Variants in MAPK8IP1 observed in about 807,000 individuals in gnomAD.
MAPK8IP1 encodes C-Jun-amino-terminal kinase-interacting protein 1.
Under a neutral mutation model 72.6 loss-of-function variants are expected in MAPK8IP1, and 17 were observed. That is an observed-to-expected ratio of 0.23 (90% CI 0.16 to 0.35). The LOEUF is 0.35. Ranked by LOEUF, MAPK8IP1 falls within the 10% of genes least tolerant of loss-of-function variation. MAPK8IP1 has a pLI of 1.00. For synonymous variants in MAPK8IP1, 401 were observed against 443.4 expected (o/e 0.90, Z 1.20); for missense variants, 789 against 1,009.7 (o/e 0.78, Z 2.96).
Position 45,898,088 on chromosome 11 carries a change from C to A in MAPK8IP1, c.105C>A (p.Leu35=), listed in dbSNP as rs1327442136. ...TTTGGCTTCCTGTCCCCACCAGGCT[C>A]ACCCATGACATCAGCCTGGAGGAGT... The part of the protein sequence containing the change: ...LHIASPPNFR[L]THDISLEEFE... Residue 35 remains leucine, a synonymous_variant, in exon 2 of 12, where the codon CTC becomes CTA. Transcript: ENST00000241014. 1 of 1,608,248 alleles carries A rather than the reference C, an allele frequency of 6.2e-7. No individual in the cohort carries two copies. Among genetic ancestry groups the A allele is most frequent in the African/African-American group, 1.3e-5 (1 of 74,824 alleles).
At chr11:45,885,976 TG>T (rs2086523990) in intron 1 of MAPK8IP1, 55 bp downstream of exon 1, 1 of 1,166,808 alleles carries the variant, frequency 8.6e-7, no homozygotes, top group Non-Finnish European at 1.1e-6. Flanking sequence ...TGATCCGCAT[TG>T]GCTGCCCTGC....
At chr11:45,888,351 A>T (rs767375463) in intron 1 of MAPK8IP1, among the ~76,000 whole-genome samples, 1 of 152,232 alleles carries the variant, frequency 6.6e-6, no homozygotes, top group Non-Finnish European at 1.5e-5. Flanking sequence ...TCCTATGTGC[A>T]AGAGTATTTA....
intron 1 of MAPK8IP1, 73 bp downstream of exon 1, chr11:45,885,994 C>G (rs2086524133): frequency 2.2e-6 from 2 of 892,244 alleles, no homozygotes; most frequent in East Asian, 8.3e-5. Context: ...CTGCCCGCCC[C>G]CCACCCCAGA....
chr11:45,889,282 T>C (rs138481325), intron 1 of MAPK8IP1, among the ~76,000 whole-genome samples: 1 of 152,336 alleles, frequency 6.6e-6, no homozygotes, highest in African/African-American at 2.4e-5. Context: ...TTACAGCCTG[T>C]GCTGTTATGT....
Position 45,905,736 on chromosome 11 carries a change from C to T in MAPK8IP1, c.*15C>T, listed in dbSNP as rs758636318. The T allele has an allele frequency of 6.0e-5, 96 of 1,611,324 alleles. No homozygotes were observed. Among genetic ancestry groups the T allele is most frequent in the Non-Finnish European group, 7.0e-5 (83 of 1,178,606 alleles). Reference sequence around the variant, plus strand: ...ACCTGGAGTAGCTGTGCAGCCCCGCCCTCTGCGTCCCCCAGCCCTCAGGCC... The same window carrying T: ...ACCTGGAGTAGCTGTGCAGCCCCGCTCTCTGCGTCCCCCAGCCCTCAGGCC... On this transcript the variant is annotated 3_prime_UTR_variant, in exon 12 of 12. Coordinates refer to ENST00000241014, the MANE Select transcript of MAPK8IP1 (RefSeq NM_005456.4).
chr11:45,905,493 T>C (rs937210142), intron 11 of MAPK8IP1, among the ~76,000 whole-genome samples, 156 bp from the exon 12 acceptor site: 2 of 152,210 alleles, frequency 1.3e-5, no homozygotes, highest in African/African-American at 4.8e-5. Context: ...GGAAACGCGA[T>C]GGCAATTCTG....
In MAPK8IP1 at chr11:45,902,775, C is replaced by T. The variant is rs370596860; in HGVS notation, c.1008C>T (p.Phe336=). 307 of 1,597,400 alleles carry T rather than the reference C, an allele frequency of 1.9e-4. 1 individual carries two copies. Among genetic ancestry groups the T allele is most frequent in the Non-Finnish European group, 2.3e-4 (274 of 1,175,554 alleles). ...HPSISEEEEG[F]DCLSSPERAE... is the part of the protein sequence containing the mutation. Reference sequence around the variant, plus strand: ...CCATCAGTGAAGAGGAAGAGGGCTTCGACTGCCTGTCGTCCCCAGAGCGGG... The same window carrying T: ...CCATCAGTGAAGAGGAAGAGGGCTTTGACTGCCTGTCGTCCCCAGAGCGGG... The change falls in exon 5 of 12, where the codon TTC becomes TTT. Residue 336 remains phenylalanine (F), a synonymous_variant. Transcript: ENST00000241014. The surrounding 1 kb of genome is among the most constrained non-coding windows in gnomAD (Gnocchi z 9.3).
Position 45,885,768 on chromosome 11 carries a change from C to A in MAPK8IP1, c.-53C>A. On this transcript the variant is annotated 5_prime_UTR_variant, in exon 1 of 12. Transcript: ENST00000241014. ...GCCGCGCCTCCGCCTCCTTCGCAGCCGCCGCCTCCTCCGCGCCGCGCTCCG... is the reference window on the plus strand; with the variant it reads ...GCCGCGCCTCCGCCTCCTTCGCAGCAGCCGCCTCCTCCGCGCCGCGCTCCG... 9.0e-7 allele frequency: 1 copy of A among 1,114,004 alleles called. No individual in the cohort carries two copies. The highest frequency in any genetic ancestry group is 1.2e-6 in the Non-Finnish European group (1 of 852,256). The allele number at this position is 1,114,004 out of a possible 1,614,324, so 69.0% of individuals were successfully genotyped here.
intron 1 of MAPK8IP1, chr11:45,896,998 C>T (rs1313475486): frequency 1.3e-6 from 2 of 1,541,234 alleles, no homozygotes; most frequent in Non-Finnish European, 1.8e-6. Context: ...TTGGGGTGAG[C>T]TCCATCGAGC....
In MAPK8IP1 at chr11:45,904,427, C is replaced by G; in HGVS notation, c.1667-28C>G. The G allele has an allele frequency of 6.3e-7, 1 of 1,575,640 alleles. No homozygotes were observed. Among genetic ancestry groups the G allele is most frequent in the Non-Finnish European group, 8.7e-7 (1 of 1,146,150 alleles). ...CTCAGCTCCCTCCTGCTCTTTCTGC[C>G]CCTCCTCAATTCACGCTTGCTTTCC... On this transcript the variant is annotated intron_variant, in intron 7 of 11. Coordinates refer to ENST00000241014, the MANE Select transcript of MAPK8IP1 (RefSeq NM_005456.4). This position sits in a 1 kb window ranked among gnomAD's most constrained non-coding sequence, Gnocchi z 6.4.
chr11:45,900,563 G>A lies in MAPK8IP1; in HGVS notation c.522+111G>A. ...CCCACGGGTCCAGTGCCTGGGGACAGCGCCTGCATAGGGGCCGCGGTGGCT... is the reference window on the plus strand; with the variant it reads ...CCCACGGGTCCAGTGCCTGGGGACAACGCCTGCATAGGGGCCGCGGTGGCT... On this transcript the variant is annotated intron_variant, in intron 3 of 11. Transcript: ENST00000241014. The surrounding 1 kb of genome is among the most constrained non-coding windows in gnomAD (Gnocchi z 6.5). 3.1e-6 allele frequency: 4 copies of A among 1,288,808 alleles called. No homozygotes were observed. The highest frequency in any genetic ancestry group is 4.2e-6 in the Non-Finnish European group (4 of 952,470). 79.8% of individuals were successfully genotyped at this position (1,288,808 alleles called of 1,614,324 possible).
Position 45,902,824 on chromosome 11 carries a change from C to A in MAPK8IP1, c.1057C>A (p.Arg353=), listed in dbSNP as rs746424374. 4.4e-6 allele frequency: 7 copies of A among 1,580,848 alleles called. No homozygotes were observed. Among genetic ancestry groups the A allele is most frequent in the Middle Eastern group, 1.7e-4 (1 of 6,000 alleles). The part of the protein sequence containing the change: ...ERAEPPGGGW[R]GSLGEPPPPP... The stretch of plus-strand genomic sequence containing the variant: ...GGCTGAGCCCCCAGGCGGAGGGTGG[C>A]GGGGGAGCCTGGGGGAGCCGCCGCC... The change falls in exon 5 of 12, where the codon CGG becomes AGG. Residue 353 remains arginine, a synonymous_variant. Coordinates refer to ENST00000241014, the MANE Select transcript of MAPK8IP1 (RefSeq NM_005456.4). The surrounding 1 kb of genome is among the most constrained non-coding windows in gnomAD (Gnocchi z 9.3).
intron 1 of MAPK8IP1, among the ~76,000 whole-genome samples, chr11:45,891,233 G>A (rs578002741): frequency 2.0e-4 from 30 of 152,330 alleles, no homozygotes; most frequent in Admixed American, 7.8e-4. Context: ...TTGGGTCACA[G>A]CCACCATCCA....
At chr11:45,893,657 G>A (rs1390254036) in intron 1 of MAPK8IP1, among the ~76,000 whole-genome samples, 1 of 152,204 alleles carries the variant, frequency 6.6e-6, no homozygotes, top group Admixed American at 6.5e-5. Context: ...CAGACCCAGA[G>A]GTGAGGGAGG....
Position 45,902,599 on chromosome 11 carries a change from A to G in MAPK8IP1, c.832A>G (p.Thr278Ala). ...CCAGGCCGATGTGCGACTAGAGGCC[A>G]CTGAGGAGATCTACCTGACCCCAGT... ...HYQADVRLEA[T>A]EEIYLTPVQR... The change falls in exon 5 of 12, where the codon ACT (threonine) becomes GCT (alanine). Residue 278 changes from threonine (T) to alanine (A), a missense_variant. Around this residue, in one of 4 missense-constraint regions of MAPK8IP1, gnomAD observed 377 missense variants for 411.7 expected, o/e 0.92. Coordinates refer to ENST00000241014, the MANE Select transcript of MAPK8IP1 (RefSeq NM_005456.4). This position sits in a 1 kb window ranked among gnomAD's most constrained non-coding sequence, Gnocchi z 9.3. 6.2e-7 allele frequency: 1 copy of G among 1,612,822 alleles called. No homozygotes were observed. Among genetic ancestry groups the G allele is most frequent in the Non-Finnish European group, 8.5e-7 (1 of 1,179,900 alleles).
rs1263432052 is a variant in MAPK8IP1, at chr11:45,900,043, C to T, written c.208-95C>T. ...CTCGGCTCCCCTCGTGCCCCCTTCG[C>T]GCCACAGAATGGACTCGCCCGGGCG... is the stretch of plus-strand genomic sequence containing the variant. On this transcript the variant is annotated intron_variant, in intron 2 of 11. Coordinates refer to ENST00000241014, the MANE Select transcript of MAPK8IP1 (RefSeq NM_005456.4). The surrounding 1 kb of genome is among the most constrained non-coding windows in gnomAD (Gnocchi z 6.5). 3 of 812,946 alleles carry T rather than the reference C, an allele frequency of 3.7e-6. No individual in the cohort carries two copies. The highest frequency in any genetic ancestry group is 1.0e-4 in the East Asian group (2 of 19,120). 50.4% of individuals were successfully genotyped at this position (812,946 alleles called of 1,614,324 possible). A position where few individuals can be genotyped will look rare whatever the true frequency, so the allele number is the denominator to read the frequency against.
At chr11:45,897,990 G>A (rs565587797) in intron 1 of MAPK8IP1, 95 bp from the exon 2 acceptor site, 204 of 749,420 alleles carry the variant, frequency 2.7e-4, no homozygotes, top group Non-Finnish European at 4.3e-4. Flanking sequence ...GGCTGTGTTT[G>A]GCCTTCAAGA....
rs1478805840 is a variant in MAPK8IP1, at chr11:45,900,154, T to C, written c.224T>C (p.Leu75Pro). Reference sequence around the variant, plus strand: ...GCTGTGCAGCCCCCGCGCGCCGGGCTGCTCTCTGCGGGCGGCGGCGGCGCG... The same window carrying C: ...GCTGTGCAGCCCCCGCGCGCCGGGCCGCTCTCTGCGGGCGGCGGCGGCGCG... The part of the protein sequence containing the change: ...TLSLRPPRAG[L>P]LSAGGGGAGS... Residue 75 changes from leucine to proline, a missense_variant, in exon 3 of 12, where the codon CTG (leucine) becomes CCG (proline). By Grantham distance (98) the Leu-to-Pro change is moderately conservative. This residue lies in a region of MAPK8IP1 where 112 missense variants were observed against 111.8 expected (regional missense o/e 1.00). Coordinates refer to ENST00000241014, the MANE Select transcript of MAPK8IP1 (RefSeq NM_005456.4). The surrounding 1 kb of genome is among the most constrained non-coding windows in gnomAD (Gnocchi z 6.5). The C allele has an allele frequency of 1.9e-5, 25 of 1,300,724 alleles. No homozygotes were observed. Among genetic ancestry groups the C allele is most frequent in the Non-Finnish European group, 2.4e-5 (25 of 1,031,692 alleles). 80.6% of individuals were successfully genotyped at this position (1,300,724 alleles called of 1,614,324 possible).
Position 45,904,237 on chromosome 11 carries a change from C to A in MAPK8IP1, c.1666+76C>A. 6.7e-7 allele frequency: 1 copy of A among 1,495,892 alleles called. No homozygotes were observed. Among genetic ancestry groups the A allele is most frequent in the Non-Finnish European group, 9.2e-7 (1 of 1,089,070 alleles). 92.7% of individuals were successfully genotyped at this position (1,495,892 alleles called of 1,614,324 possible). A position where few individuals can be genotyped will look rare whatever the true frequency, so the allele number is the denominator to read the frequency against. Reference sequence around the variant, plus strand: ...CAACTTGCTGCTAGGTGAACGTGTACTCCAGATCTCAGCCAGCCAGGTGGG... The same window carrying A: ...CAACTTGCTGCTAGGTGAACGTGTAATCCAGATCTCAGCCAGCCAGGTGGG... On this transcript the variant is annotated intron_variant, in intron 7 of 11. Coordinates refer to ENST00000241014, the MANE Select transcript of MAPK8IP1 (RefSeq NM_005456.4). This position sits in a 1 kb window ranked among gnomAD's most constrained non-coding sequence, Gnocchi z 6.4.
Sources: gnomAD v4.1 joint callset for allele counts (sites outside exome capture counted in the v4.1 genomes callset) on GRCh38, gnomAD v4.1.1 for gene constraint, gnomAD v4.1.1 regional missense constraint, Gnocchi (gnomAD v3.1) non-coding constraint, MANE v1.5 for transcripts, NCBI Gene and HGNC (gene_info 2026-07-23, HGNC 2026-07-21) for gene names.